CD8A: variants seen among roughly 807,000 people sequenced by gnomAD.
CD8A encodes CD8 subunit alpha, also known as T-cell surface glycoprotein CD8 alpha chain.
A neutral mutation model predicts 24.2 loss-of-function variants in CD8A; 25 were observed. That is an observed-to-expected ratio of 1.03 (90% CI 0.75 to 1.44). CD8A has a LOEUF of 1.44. CD8A is among the 40% of genes most tolerant of loss of function. CD8A has a pLI of 0.00. For synonymous variants in CD8A, 165 were observed against 149.9 expected (o/e 1.10, Z -0.74); for missense variants, 360 against 319.7 (o/e 1.13, Z -0.96).
At chr2:86,793,100 T>C (rs528612576), upstream of CD8A, among the ~76,000 whole-genome samples, 1 of 152,322 alleles carries the variant, frequency 6.6e-6, no homozygotes, top group South Asian at 2.1e-4. Context: ...CTTAGACACA[T>C]GGGATTGTAT....
intron 2 of CD8A, among the ~76,000 whole-genome samples, chr2:86,803,993 T>C (rs1673758415): frequency 6.6e-6 from 1 of 152,190 alleles, no homozygotes; most frequent in South Asian, 2.1e-4. Flanking sequence ...TAAAGTACAA[T>C]ATGAAGACTA....
At chr2:86,799,538 C>T (rs1378306462) in intron 3 of CD8A, among the ~76,000 whole-genome samples, 4 of 152,186 alleles carry the variant, frequency 2.6e-5, no homozygotes, top group South Asian at 4.2e-4. Flanking sequence ...GGGCGGATCA[C>T]GAAGTCAGGA....
intron 2 of CD8A, among the ~76,000 whole-genome samples, chr2:86,802,921 A>G (rs1673721897): frequency 1.3e-5 from 2 of 152,122 alleles, no homozygotes; most frequent in Non-Finnish European, 2.9e-5. Flanking sequence ...TAGAATTCAT[A>G]AGTTTAAGGA....
At chr2:86,807,253 C>G (rs1049150036) in intron 2 of CD8A, among the ~76,000 whole-genome samples, 4 of 152,052 alleles carry the variant, frequency 2.6e-5, no homozygotes, top group Non-Finnish European at 4.4e-5. Context: ...GCCCGGAAGT[C>G]GAGGCTGTAG....
chr2:86,791,687 C>A, upstream of CD8A: 1 of 453,852 alleles, frequency 2.2e-6, no homozygotes, highest in South Asian at 1.6e-5. Flanking sequence ...ATTCAACCCC[C>A]AGCTTGGTTG....
chr2:86,794,701 T>G (rs193020778), upstream of CD8A, among the ~76,000 whole-genome samples: 23 of 152,276 alleles, frequency 1.5e-4, 1 homozygote, highest in Middle Eastern at 0.01. Flanking sequence ...AATCTCATCA[T>G]GCCAACCCCC....
upstream of CD8A, chr2:86,791,479 T>A: frequency 2.2e-6 from 1 of 453,752 alleles, no homozygotes; most frequent in Non-Finnish European, 4.4e-6. Flanking sequence ...GACCTCATTC[T>A]TCCGGCCTTT....
At chr2:86,793,704 C>T (rs1197168626), upstream of CD8A, among the ~76,000 whole-genome samples, 2 of 152,184 alleles carry the variant, frequency 1.3e-5, no homozygotes, top group Non-Finnish European at 1.5e-5. Flanking sequence ...CTGAGGGGGC[C>T]AGAGTCAACC....
intron 2 of CD8A, among the ~76,000 whole-genome samples, chr2:86,802,716 G>T (rs959110644): frequency 6.6e-6 from 1 of 152,074 alleles, no homozygotes; most frequent in East Asian, 1.9e-4. Context: ...AGTGATTCTC[G>T]TGTCTCAGCC....
chr2:86,807,682 A>G, exon 2 of CD8A: 1 of 152,914 alleles, frequency 6.5e-6, no homozygotes, highest in Non-Finnish European at 1.5e-5. Context: ...GCGGTCGCGG[A>G]CAGGCGCACG....
intron 5 of CD8A, among the ~76,000 whole-genome samples, chr2:86,787,989 A>G (rs1027799931): frequency 6.6e-6 from 1 of 151,864 alleles, no homozygotes; most frequent in African/African-American, 2.4e-5. Context: ...TTGTCCCTGC[A>G]TCTCGTTCCC....
At chr2:86,800,156 TATG>T in intron 3 of CD8A, among the ~76,000 whole-genome samples, 1 of 152,166 alleles carries the variant, frequency 6.6e-6, no homozygotes, top group African/African-American at 2.4e-5. Flanking sequence ...GTTTAAAATC[TATG>T]ATAAGATAAA....
intron 2 of CD8A, among the ~76,000 whole-genome samples, chr2:86,806,568 C>T (rs1467041646): frequency 6.6e-6 from 1 of 152,248 alleles, no homozygotes; most frequent in African/African-American, 2.4e-5. Context: ...GCTCCCTCCA[C>T]ACCTCAGACG....
chr2:86,795,726 A>G (rs1673460472), upstream of CD8A, among the ~76,000 whole-genome samples: 1 of 151,970 alleles, frequency 6.6e-6, no homozygotes, highest in Admixed American at 6.6e-5. Context: ...AGGGATTTGG[A>G]TCTGATTTTC....
rs1269852095 is a variant in CD8A, at chr2:86,785,190, T to A, written c.*730A>T. 1 of 454,044 alleles carries A rather than the reference T, an allele frequency of 2.2e-6. No homozygotes were observed. The highest frequency in any genetic ancestry group is 1.6e-5 in the South Asian group (1 of 64,478). 28.1% of individuals were successfully genotyped at this position (454,044 alleles called of 1,614,324 possible). A position where few individuals can be genotyped will look rare whatever the true frequency, so the allele number is the denominator to read the frequency against. ...TCCACATAGGGGTTTCACAGAGATT[T>A]TCTTTAGAGATAGAGGGATTCATTT... On this transcript the variant is annotated 3_prime_UTR_variant, in exon 6 of 6. Transcript: ENST00000283635.
upstream of CD8A, among the ~76,000 whole-genome samples, chr2:86,795,043 A>T (rs1055969290): frequency 4.6e-5 from 7 of 152,038 alleles, no homozygotes; most frequent in African/African-American, 1.7e-4. Flanking sequence ...TACAGACCAC[A>T]TCCTTCTCTT....
At position 86,785,633 on chromosome 2, in the gene CD8A, T is replaced by TGAGAACTG. The variant is rs543762919; in HGVS notation, c.*286_*287insCAGTTCTC. The TGAGAACTG allele has an allele frequency of 6.9e-4, 433 of 630,904 alleles. No individual in the cohort carries two copies. In the African/African-American group the frequency reaches 7.1e-3, roughly 10 times the overall value. 39.1% of individuals were successfully genotyped at this position (630,904 alleles called of 1,614,324 possible). On this transcript the variant is annotated 3_prime_UTR_variant, in exon 6 of 6. Transcript: ENST00000283635. ...ATGGGTGCCTCCAGCTCTCTCAGCATGATTCTGAGAACTCTGCGGGTAGCT... is the reference window on the plus strand; with the variant it reads ...ATGGGTGCCTCCAGCTCTCTCAGCATGAGAACTGGATTCTGAGAACTCTGCGGGTAGCT...
chr2:86,793,120 A>AT (rs922809907), upstream of CD8A, among the ~76,000 whole-genome samples: 6 of 152,104 alleles, frequency 3.9e-5, no homozygotes, highest in African/African-American at 4.8e-5. Flanking sequence ...TGAGATAAAT[A>AT]TTTTTTTGCA....
chr2:86,787,449 C>T (rs1191211978), intron 5 of CD8A, among the ~76,000 whole-genome samples: 1 of 152,108 alleles, frequency 6.6e-6, no homozygotes, highest in Non-Finnish European at 1.5e-5. Context: ...TGTACACAGT[C>T]GGTTATCCTT....
Sources: allele counts gnomAD v4.1 joint callset (sites outside exome capture counted in the v4.1 genomes callset), GRCh38; gene constraint gnomAD v4.1.1; transcripts MANE v1.5; gene names NCBI Gene and HGNC (gene_info 2026-07-23, HGNC 2026-07-21).